The following WDR3 variants were observed in gnomAD, a reference collection of about 807,000 sequenced individuals.
WDR3 encodes WD repeat domain 3.
Under a neutral mutation model 123.7 loss-of-function variants are expected in WDR3, and 81 were observed. That is an observed-to-expected ratio of 0.65 (90% CI 0.55 to 0.79). The LOEUF (loss-of-function observed/expected upper bound fraction) is 0.79, where lower values mean the gene tolerates loss of function less well. WDR3 is among the 30% of genes least tolerant of loss of function. The pLI is 0.00. For synonymous variants in WDR3, 390 were observed against 388.8 expected, an observed-to-expected ratio of 1.00 and a Z score of -0.04; for missense variants, 1,027 against 1,123.2, an observed-to-expected ratio of 0.91 and a Z score of 1.22.
At position 117,943,154 on chromosome 1, in the gene WDR3, T is replaced by C. The variant is rs372923279; in HGVS notation, c.1098-242T>C. 3.3e-3 allele frequency among the ~76,000 whole-genome samples: 497 copies of C among 152,236 alleles called. 17 individuals carry two copies. The South Asian group carries it at 0.071, about 22-fold the overall frequency. On this transcript the variant is annotated intron_variant, in intron 10 of 26. Transcript: ENST00000349139. ...TTTTAATGGAGATGGTGTTTCGCCA[T>C]GTTGGCCAGGCTGGTCTCAAACTCC...
Position 117,942,495 on chromosome 1 carries a change from C to T in WDR3, c.1048C>T (p.Gln350Ter). ...TGAGGTTAATGTTGAAATGAGTCTG[C>T]AAGATGAAATCCAGCGGGTGACTAA... The part of the protein sequence containing the change: ...DPEVNVEMSL[Q>*]DEIQRVTNIK... Residue 350 changes from glutamine (Q) to a stop codon, truncating the protein, a stop_gained, in exon 10 of 27, where the codon CAA becomes TAA. Coordinates refer to ENST00000349139, the MANE Select transcript of WDR3 (RefSeq NM_006784.3). LOFTEE classifies it high-confidence loss of function. 1 of 1,613,956 alleles carries T rather than the reference C, an allele frequency of 6.2e-7. No individual in the cohort carries two copies.
chr1:117,952,696 G>A, intron 19 of WDR3, 34 bp downstream of exon 19: 2 of 1,606,422 alleles, frequency 1.2e-6, no homozygotes, highest in Non-Finnish European at 1.7e-6. Context: ...AAATATGCCA[G>A]TAGGTATCTG....
Position 117,966,463 on chromosome 1 carries a change from T to G in WDR3, c.*7016T>G. 1.3e-6 allele frequency: 1 copy of G among 785,960 alleles called. No homozygotes were observed. Among genetic ancestry groups the G allele is most frequent in the Non-Finnish European group, 1.9e-6 (1 of 535,656 alleles). The allele number at this position is 785,960 out of a possible 1,614,324, so 48.7% of individuals were successfully genotyped here. On this transcript the variant is annotated 3_prime_UTR_variant, in exon 27 of 27. Transcript: ENST00000349139. ...TTGGCTAGGTGCTTTCAAAGATGAA[T>G]GAAGATGCTCTTTGTCTTAATAAAT...
intron 10 of WDR3, among the ~76,000 whole-genome samples, chr1:117,942,872 AC>A (rs1230673225): frequency 7.3e-5 from 11 of 151,360 alleles, no homozygotes; most frequent in African/African-American, 2.7e-4. Flanking sequence ...ATGTATCAGA[AC>A]CAGGATCTGA....
chr1:117,946,524 C>G (rs1651387479), intron 12 of WDR3, among the ~76,000 whole-genome samples: 1 of 152,086 alleles, frequency 6.6e-6, no homozygotes, highest in Non-Finnish European at 1.5e-5. Flanking sequence ...TCATGCTTGG[C>G]AGACAGAAGC....
chr1:117,934,933 T>C (rs933621263), intron 3 of WDR3, among the ~76,000 whole-genome samples: 1 of 152,180 alleles, frequency 6.6e-6, no homozygotes, highest in East Asian at 1.9e-4. Context: ...ATAACTCTTA[T>C]TGTGGAAGTG....
Position 117,951,963 on chromosome 1 carries a change from T to C in WDR3, c.1804-13T>C, listed in dbSNP as rs575207170. The C allele has an allele frequency of 1.7e-5, 28 of 1,604,592 alleles. No individual in the cohort carries two copies. In the East Asian group the frequency reaches 5.4e-4, roughly 31 times the overall value. On this transcript the variant is annotated splice_polypyrimidine_tract_variant and intron_variant, in intron 16 of 26. Coordinates refer to ENST00000349139, the MANE Select transcript of WDR3 (RefSeq NM_006784.3). ...CAAAAATCAAGGTAGTGTTTTACTT[T>C]TATTTCTCATAGGATGGAGCACTCA...
intron 15 of WDR3, 57 bp from the exon 16 acceptor site, chr1:117,950,777 A>G: frequency 1.5e-6 from 2 of 1,374,346 alleles, no homozygotes; most frequent in Non-Finnish European, 2.0e-6. Flanking sequence ...ACCTACATGT[A>G]ATAAATTATA....
At position 117,950,208 on chromosome 1, in the gene WDR3, G is replaced by C. The variant is rs914742517; in HGVS notation, c.1746+78G>C. 2.5e-5 allele frequency: 40 copies of C among 1,571,076 alleles called. No homozygotes were observed. In the Admixed American group the frequency reaches 7.0e-4, roughly 28 times the overall value. On this transcript the variant is annotated intron_variant, in intron 15 of 26. Transcript: ENST00000349139. ...GAATTTGGGTTGAGGCTATAAAGAAGTGGCCTTGACTGTGCCCAGCGATAG... is the reference window on the plus strand; with the variant it reads ...GAATTTGGGTTGAGGCTATAAAGAACTGGCCTTGACTGTGCCCAGCGATAG...
rs755752302 is a variant in WDR3, at chr1:117,943,471, G to A, written c.1173G>A (p.Leu391=). 1 of 1,614,086 alleles carries A rather than the reference G, an allele frequency of 6.2e-7. No homozygotes were observed. Among genetic ancestry groups the A allele is most frequent in the Non-Finnish European group, 8.5e-7 (1 of 1,180,016 alleles). ...TGCTGCAGAACAACCTGGTGGAATT[G>A]TATTCACTGAATCCATCCTTGCCTA... is the stretch of plus-strand genomic sequence containing the variant. ...VFLLQNNLVE[L]YSLNPSLPTP... The change falls in exon 11 of 27, where the codon TTG becomes TTA. Residue 391 remains leucine (L), a synonymous_variant. Coordinates refer to ENST00000349139, the MANE Select transcript of WDR3 (RefSeq NM_006784.3).
In WDR3 at chr1:117,953,011, G is replaced by A. The variant is rs1333496027; in HGVS notation, c.2202+15G>A. ...ACCAACCAGCAGTAAGTAAATTTTGGGGACCTTGAGATTATGCCCCATATA... is the reference window on the plus strand; with the variant it reads ...ACCAACCAGCAGTAAGTAAATTTTGAGGACCTTGAGATTATGCCCCATATA... On this transcript the variant is annotated intron_variant, in intron 20 of 26. Transcript: ENST00000349139. 2.5e-6 allele frequency: 4 copies of A among 1,612,530 alleles called. No individual in the cohort carries two copies. In the East Asian group the frequency reaches 8.9e-5, roughly 36 times the overall value.
rs1217528924 is a variant in WDR3, at chr1:117,941,821, G to C, written c.963G>C (p.Lys321Asn). 1 of 1,610,514 alleles carries C rather than the reference G, an allele frequency of 6.2e-7. No individual in the cohort carries two copies. Among genetic ancestry groups the C allele is most frequent in the Non-Finnish European group, 8.5e-7 (1 of 1,179,114 alleles). ...AAATTCAGAAGAAAATGGATAAGAA[G>C]ATGAAGAAAGCTAGAAAGAAAGCAA... The part of the protein sequence containing the change: ...KKEIQKKMDK[K>N]MKKARKKAKL... Residue 321 changes from lysine to asparagine, a missense_variant, in exon 9 of 27, where the codon AAG (lysine) becomes AAC (asparagine). Physicochemically the swap from Lys to Asn is moderately conservative, Grantham distance 94 (BLOSUM62 0). Coordinates refer to ENST00000349139, the MANE Select transcript of WDR3 (RefSeq NM_006784.3).
chr1:117,942,732 A>G (rs976920098), intron 10 of WDR3, among the ~76,000 whole-genome samples, 188 bp downstream of exon 10: 2 of 152,092 alleles, frequency 1.3e-5, no homozygotes, highest in African/African-American at 4.8e-5. Flanking sequence ...TATTTGGATT[A>G]TTATAGTACC....
In WDR3 at chr1:117,962,716, C is replaced by G. The variant is rs1342918207; in HGVS notation, c.*3269C>G. 6.6e-6 allele frequency: 1 copy of G among 152,182 alleles called. No individual in the cohort carries two copies. The highest frequency in any genetic ancestry group is 1.5e-5 in the Non-Finnish European group (1 of 68,038). The allele number at this position is 152,182 out of a possible 1,614,324, so 9.4% of individuals were successfully genotyped here. A position where few individuals can be genotyped will look rare whatever the true frequency, so the allele number is the denominator to read the frequency against. On this transcript the variant is annotated 3_prime_UTR_variant, in exon 27 of 27. Coordinates refer to ENST00000349139, the MANE Select transcript of WDR3 (RefSeq NM_006784.3). ...TTGGTATTAAATTGTTTCTCAATGG[C>G]AAATGTCATAAATTATATCTCATTC... is the stretch of plus-strand genomic sequence containing the variant.
chr1:117,961,498 T>C lies in WDR3; in HGVS notation c.*2051T>C, dbSNP rs1055326370. 5.0e-4 allele frequency: 76 copies of C among 152,220 alleles called. No individual in the cohort carries two copies. The highest frequency in any genetic ancestry group is 1.8e-3 in the African/African-American group (76 of 41,456). 9.4% of individuals were successfully genotyped at this position (152,220 alleles called of 1,614,324 possible). On this transcript the variant is annotated 3_prime_UTR_variant, in exon 27 of 27. Coordinates refer to ENST00000349139, the MANE Select transcript of WDR3 (RefSeq NM_006784.3). ...TCTTGTTACAGGCCTGTTTAGATGT[T>C]CTGTATCTTCTTGAGACAGTTTTGC...
chr1:117,952,023 C>G lies in WDR3; in HGVS notation c.1851C>G (p.Ile617Met). The part of the protein sequence containing the change: ...ATGSADRNVK[I>M]WGLDFGDCHK... ...GCTCCGCTGATAGGAATGTGAAAAT[C>G]TGGGGTTTGGACTTTGGGGACTGCC... Residue 617 changes from isoleucine (I) to methionine (M), a missense_variant, in exon 17 of 27, where the codon ATC becomes ATG. Transcript: ENST00000349139. 2 of 1,613,474 alleles carry G rather than the reference C, an allele frequency of 1.2e-6. No individual in the cohort carries two copies. The highest frequency in any genetic ancestry group is 1.7e-6 in the Non-Finnish European group (2 of 1,179,484).
chr1:117,944,792 C>T (rs1337762016), intron 11 of WDR3, among the ~76,000 whole-genome samples: 1 of 152,154 alleles, frequency 6.6e-6, no homozygotes, highest in Non-Finnish European at 1.5e-5. Flanking sequence ...ACCTCCACCT[C>T]CTGGGTTCAA....
rs1652962965 is a variant in WDR3 at position 117,960,720 on chromosome 1, G to C, written c.*1273G>C. The C allele has an allele frequency of 6.6e-6, 1 of 152,190 alleles. No homozygotes were observed. The highest frequency in any genetic ancestry group is 2.4e-5 in the African/African-American group (1 of 41,442). The allele number at this position is 152,190 out of a possible 1,614,324, so 9.4% of individuals were successfully genotyped here. ...TTTCAGTAACATACTGTGTATTACAGTTCATTTTATGCAGCTATGATTTAA... is the reference window on the plus strand; with the variant it reads ...TTTCAGTAACATACTGTGTATTACACTTCATTTTATGCAGCTATGATTTAA... On this transcript the variant is annotated 3_prime_UTR_variant, in exon 27 of 27. Coordinates refer to ENST00000349139, the MANE Select transcript of WDR3 (RefSeq NM_006784.3).
In WDR3 at chr1:117,964,905, T is replaced by A. The variant is rs543458342; in HGVS notation, c.*5458T>A. The A allele has an allele frequency of 1.3e-5, 2 of 152,226 alleles. No individual in the cohort carries two copies. Among genetic ancestry groups the A allele is most frequent in the African/African-American group, 4.8e-5 (2 of 41,452 alleles). 9.4% of individuals were successfully genotyped at this position (152,226 alleles called of 1,614,324 possible). A position where few individuals can be genotyped will look rare whatever the true frequency, so the allele number is the denominator to read the frequency against. ...CTAACCCTTCAGCTCTGTTTTTTAT[T>A]ATTCTTTTGCCCTGTTTTGGATATT... On this transcript the variant is annotated 3_prime_UTR_variant, in exon 27 of 27. Transcript: ENST00000349139.
Sources: allele counts gnomAD v4.1 joint callset (sites outside exome capture counted in the v4.1 genomes callset), GRCh38; gene constraint gnomAD v4.1.1; transcripts MANE v1.5; gene names NCBI Gene and HGNC (gene_info 2026-07-23, HGNC 2026-07-21).